Variants in SPECC1 observed in about 807,000 individuals in gnomAD.
SPECC1 encodes the protein cytospin-B.
SPECC1 carries 62 observed loss-of-function variants against 104.1 expected under a neutral mutation model. The ratio of observed to expected loss-of-function variants is 0.60; its 90% CI spans 0.49 to 0.74. The LOEUF (loss-of-function observed/expected upper bound fraction) is 0.74. Among genes scored for constraint, SPECC1 ranks in the 30% least tolerant of loss-of-function variants. SPECC1 has a pLI of 0.00. For synonymous variants in SPECC1, 513 were observed against 501.6 expected, an observed-to-expected ratio of 1.02 and a Z score of -0.30; for missense variants, 1,306 against 1,310.5, an observed-to-expected ratio of 1.00 and a Z score of 0.05.
chr17:20,182,846 G>T (rs913240152), intron 3 of SPECC1, among the ~76,000 whole-genome samples: 13 of 152,112 alleles, frequency 8.5e-5, no homozygotes, highest in African/African-American at 2.7e-4. Flanking sequence ...CATCCGCTTG[G>T]CCAGAACCTA....
chr17:20,033,259 C>T (rs546639866), intron 1 of SPECC1, among the ~76,000 whole-genome samples: 11 of 152,010 alleles, frequency 7.2e-5, no homozygotes, highest in African/African-American at 1.9e-4. Flanking sequence ...CTACCATGTC[C>T]GGCCTGTATA....
chr17:20,135,487 T>C (rs1290632522), intron 3 of SPECC1, among the ~76,000 whole-genome samples: 1 of 152,172 alleles, frequency 6.6e-6, no homozygotes, highest in Middle Eastern at 3.2e-3. Flanking sequence ...GGTCTTGCTG[T>C]GTCACCCAGG....
At chr17:20,269,128 G>A (rs1184397162) in intron 12 of SPECC1, among the ~76,000 whole-genome samples, 1 of 152,214 alleles carries the variant, frequency 6.6e-6, no homozygotes, top group Admixed American at 6.5e-5. Context: ...ATAAAGCCCA[G>A]ATGCTATTGG....
intron 3 of SPECC1, among the ~76,000 whole-genome samples, chr17:20,150,954 ATTATT>A (rs2031953604): frequency 2.0e-5 from 3 of 152,128 alleles, no homozygotes. Context: ...CCACATATAT[ATTATT>A]TTATTGTTTA....
intron 1 of SPECC1, among the ~76,000 whole-genome samples, chr17:20,081,446 C>T (rs1390067506): frequency 6.6e-6 from 1 of 151,966 alleles, no homozygotes; most frequent in Admixed American, 6.6e-5. Flanking sequence ...AGAGGAGGGC[C>T]TGGGGAGCGG....
chr17:20,249,372 C>G (rs148160029), intron 9 of SPECC1, among the ~76,000 whole-genome samples: 2 of 152,038 alleles, frequency 1.3e-5, no homozygotes, highest in Non-Finnish European at 1.5e-5. Flanking sequence ...AAGCTGAGAT[C>G]GCGCCACTGC....
intron 3 of SPECC1, among the ~76,000 whole-genome samples, chr17:20,201,862 AT>A (rs777748651): frequency 2.0e-5 from 3 of 152,372 alleles, no homozygotes; most frequent in South Asian, 4.1e-4. Context: ...CTTAAAAAAA[AT>A]AAATACATTG....
intron 7 of SPECC1, among the ~76,000 whole-genome samples, chr17:20,245,353 G>A (rs2039376651): frequency 6.6e-6 from 1 of 152,112 alleles, no homozygotes; most frequent in Non-Finnish European, 1.5e-5. Context: ...TCTTGTCTCT[G>A]CTACAGTCTC....
At chr17:20,187,503 G>T (rs1296661301) in intron 3 of SPECC1, among the ~76,000 whole-genome samples, 2 of 152,134 alleles carry the variant, frequency 1.3e-5, no homozygotes, top group Non-Finnish European at 2.9e-5. Context: ...CCATCACATA[G>T]CCATGAGGGC....
chr17:20,093,742 T>TC (rs1345909631), intron 1 of SPECC1, among the ~76,000 whole-genome samples: 1 of 116,266 alleles, frequency 8.6e-6, no homozygotes, highest in East Asian at 2.0e-4. Flanking sequence ...TGTTTTTTTT[T>TC]TTTTTGGAGA....
chr17:20,053,956 G>A (rs1014822590), intron 1 of SPECC1, among the ~76,000 whole-genome samples: 5 of 152,168 alleles, frequency 3.3e-5, no homozygotes, highest in Admixed American at 2.6e-4. Flanking sequence ...ATTCCCAGTC[G>A]TAGGGAAAGC....
intron 1 of SPECC1, among the ~76,000 whole-genome samples, chr17:20,091,964 C>A (rs775222803): frequency 2.6e-5 from 4 of 152,156 alleles, no homozygotes; most frequent in Non-Finnish European, 4.4e-5. Flanking sequence ...GGCGGAACAG[C>A]GTGTTTTCAG....
At chr17:20,248,360 G>A (rs2526471) in intron 9 of SPECC1, among the ~76,000 whole-genome samples, 115,805 of 152,018 alleles carry the variant, frequency 0.76, 45,325 homozygotes, top group East Asian at 0.99. Context: ...TCAATAAGTC[G>A]CCCTACAAGG....
intron 1 of SPECC1, among the ~76,000 whole-genome samples, chr17:20,096,407 GAT>G (rs1279188595): frequency 6.6e-6 from 1 of 152,090 alleles, no homozygotes; most frequent in African/African-American, 2.4e-5. Flanking sequence ...CAGTAATGTG[GAT>G]ATGTTTCAGT....
At chr17:20,232,643 C>T (rs995431044) in intron 7 of SPECC1, among the ~76,000 whole-genome samples, 21 of 152,226 alleles carry the variant, frequency 1.4e-4, no homozygotes, top group African/African-American at 4.3e-4. Context: ...CCAGTTCTAG[C>T]CAAGTATCCT....
At chr17:20,245,835 T>C in intron 7 of SPECC1, 91 bp from the exon 8 acceptor site, 1 of 1,404,010 alleles carries the variant, frequency 7.1e-7, no homozygotes, top group Non-Finnish European at 9.7e-7. Context: ...TTCATTTATT[T>C]TCTCCACATC....
intron 14 of SPECC1, among the ~76,000 whole-genome samples, chr17:20,312,654 A>AG (rs2041963229): frequency 6.6e-6 from 1 of 152,226 alleles, no homozygotes; most frequent in Non-Finnish European, 1.5e-5. Context: ...GCCAGGCCTC[A>AG]GTCTGTGTGC....
intron 3 of SPECC1, among the ~76,000 whole-genome samples, chr17:20,141,293 G>A (rs2030767729): frequency 6.6e-6 from 1 of 152,106 alleles, no homozygotes; most frequent in South Asian, 2.1e-4. Context: ...CTGTTGCCGT[G>A]AGTTGAACCC....
intron 12 of SPECC1, among the ~76,000 whole-genome samples, chr17:20,272,542 C>T (rs1421226526): frequency 1.3e-5 from 2 of 152,164 alleles, no homozygotes; most frequent in African/African-American, 4.8e-5. Flanking sequence ...TGACATTCCC[C>T]TCTTCCCCCA....
Sources: gnomAD v4.1 joint callset for allele counts (sites outside exome capture counted in the v4.1 genomes callset) on GRCh38, gnomAD v4.1.1 for gene constraint, MANE v1.5 for transcripts, NCBI Gene and HGNC (gene_info 2026-07-23, HGNC 2026-07-21) for gene names.